ZFR: variants seen among roughly 807,000 people sequenced by gnomAD.
The protein encoded by ZFR is zinc finger RNA binding protein, also known as zinc finger RNA-binding protein.
A neutral mutation model predicts 130.7 loss-of-function variants in ZFR; 19 were observed. That is an observed-to-expected ratio of 0.15 (90% CI 0.10 to 0.21). The LOEUF (loss-of-function observed/expected upper bound fraction) is 0.21, where lower values mean the gene tolerates loss of function less well. ZFR is among the 10% of genes least tolerant of loss of function. The probability of loss-of-function intolerance (pLI) is 1.00; values close to 1 mark genes in which losing one functional copy is unlikely to be tolerated. For missense variants in ZFR, 872 were observed against 1,321.5 expected (o/e 0.66, Z 5.27); for synonymous variants, 466 against 456.9 (o/e 1.02, Z -0.25).
intron 10 of ZFR, among the ~76,000 whole-genome samples, chr5:32,395,570 T>C (rs575719559): frequency 5.9e-5 from 9 of 152,188 alleles, no homozygotes; most frequent in Non-Finnish European, 1.3e-4. Flanking sequence ...TTAATTTTAC[T>C]TTACATTTGA....
intron 2 of ZFR, among the ~76,000 whole-genome samples, chr5:32,427,953 C>T (rs1397219620): frequency 6.6e-6 from 1 of 152,026 alleles, no homozygotes; most frequent in Admixed American, 6.5e-5. Flanking sequence ...ACAAAATATA[C>T]AAAAATTAAC....
At chr5:32,390,179 T>C in intron 12 of ZFR, 96 bp downstream of exon 12, 1 of 1,432,186 alleles carries the variant, frequency 7.0e-7, no homozygotes, top group Admixed American at 2.2e-5. Context: ...GATTACAAGA[T>C]TATTAAGTCT....
chr5:32,418,357 T>A (rs1388266405), intron 3 of ZFR, among the ~76,000 whole-genome samples: 1 of 152,180 alleles, frequency 6.6e-6, no homozygotes, highest in Non-Finnish European at 1.5e-5. Flanking sequence ...AAATAATACT[T>A]AAGTAAAAAT....
At chr5:32,383,905 T>C (rs983618270) in intron 15 of ZFR, 16 of 422,352 alleles carry the variant, frequency 3.8e-5, no homozygotes, top group Non-Finnish European at 7.7e-5. Flanking sequence ...AAGCAAAATC[T>C]TTCCATTTTG....
At chr5:32,443,178 TCTAAC>T (rs1169505426) in intron 2 of ZFR, among the ~76,000 whole-genome samples, 2 of 152,068 alleles carry the variant, frequency 1.3e-5, no homozygotes, top group African/African-American at 4.8e-5. Flanking sequence ...TTAACCAACA[TCTAAC>T]ATACATAAAA....
chr5:32,433,981 A>AT (rs1217424625), intron 2 of ZFR, among the ~76,000 whole-genome samples: 1 of 152,166 alleles, frequency 6.6e-6, no homozygotes, highest in Non-Finnish European at 1.5e-5. Context: ...AGGAGGGAGG[A>AT]TCACCTGTGC....
At chr5:32,441,566 A>C (rs973799914) in intron 2 of ZFR, among the ~76,000 whole-genome samples, 1 of 151,984 alleles carries the variant, frequency 6.6e-6, no homozygotes, top group African/African-American at 2.4e-5. Context: ...TGTACTTAAG[A>C]TTTTCCTGAG....
chr5:32,422,907 AATT>A (rs959215643), intron 2 of ZFR, among the ~76,000 whole-genome samples: 2 of 151,912 alleles, frequency 1.3e-5, no homozygotes, highest in African/African-American at 4.8e-5. Context: ...GCACGTAAGC[AATT>A]ATTACAGAGT....
intron 2 of ZFR, among the ~76,000 whole-genome samples, chr5:32,430,547 A>G (rs1002933393): frequency 2.6e-5 from 4 of 152,298 alleles, no homozygotes; most frequent in African/African-American, 9.6e-5. Context: ...TAGAAAAAAA[A>G]TGTCAAGAGA....
At chr5:32,408,839 T>C (rs1001300784) in intron 5 of ZFR, among the ~76,000 whole-genome samples, 11 of 152,208 alleles carry the variant, frequency 7.2e-5, no homozygotes, top group Non-Finnish European at 5.9e-5. Context: ...TTGTCTATTA[T>C]CACACTTTCT....
At position 32,395,168 on chromosome 5, in the gene ZFR, A is replaced by G. The variant is rs1367417822; in HGVS notation, c.1970T>C (p.Met657Thr). The change falls in exon 11 of 20, where the codon ATG (methionine) becomes ACG (threonine). Residue 657 changes from methionine (M) to threonine (T), a missense_variant. Around this residue, in one of 7 missense-constraint regions of ZFR, gnomAD observed 225 missense variants for 282.4 expected, o/e 0.80. Transcript: ENST00000265069. The stretch of plus-strand genomic sequence containing the variant: ...AAGTTAAAGATATTACCTCATTTCC[A>G]TTCTCCAACGCTCCTCTTCTTCTCG... ...RRREEEERWR[M>T]EMRRYEEDMY... 6.3e-7 allele frequency: 1 copy of G among 1,594,036 alleles called. No homozygotes were observed. Among genetic ancestry groups the G allele is most frequent in the Non-Finnish European group, 8.5e-7 (1 of 1,172,262 alleles).
chr5:32,400,371 C>A (rs1753422062), intron 8 of ZFR, among the ~76,000 whole-genome samples, 168 bp from the exon 9 acceptor site: 2 of 152,064 alleles, frequency 1.3e-5, no homozygotes, highest in Non-Finnish European at 2.9e-5. Context: ...GGCTTTTTTA[C>A]CCTATTAGTG....
Position 32,420,112 on chromosome 5 carries a change from T to C in ZFR, c.138-9A>G. 6.5e-7 allele frequency: 1 copy of C among 1,549,676 alleles called. No homozygotes were observed. On this transcript the variant is annotated splice_polypyrimidine_tract_variant and intron_variant, in intron 2 of 19. Coordinates refer to ENST00000265069, the MANE Select transcript of ZFR (RefSeq NM_016107.5). ...CCGAAGCTGGCTGCTGGCTACATTGTGGAGTACAAGAATAAATATAATACA... is the reference window on the plus strand; with the variant it reads ...CCGAAGCTGGCTGCTGGCTACATTGCGGAGTACAAGAATAAATATAATACA...
intron 5 of ZFR, among the ~76,000 whole-genome samples, chr5:32,413,183 T>G (rs1004018692): frequency 7.6e-6 from 1 of 131,940 alleles, no homozygotes; most frequent in Non-Finnish European, 1.7e-5. Flanking sequence ...AGTGAGACTC[T>G]TTTAATCTCA....
chr5:32,359,095 G>C (rs183255731), intron 19 of ZFR, among the ~76,000 whole-genome samples: 1 of 151,878 alleles, frequency 6.6e-6, no homozygotes, highest in African/African-American at 2.4e-5. Context: ...GCTAAGGCAG[G>C]ATTGTGTGAG....
At chr5:32,424,149 A>T (rs1473801289) in intron 2 of ZFR, among the ~76,000 whole-genome samples, 2 of 152,232 alleles carry the variant, frequency 1.3e-5, no homozygotes, top group African/African-American at 4.8e-5. Flanking sequence ...GGGGAAGGAC[A>T]GAAGCCTCTC....
intron 19 of ZFR, among the ~76,000 whole-genome samples, chr5:32,357,501 G>A (rs1403515116): frequency 1.6e-4 from 24 of 152,118 alleles, no homozygotes; most frequent in African/African-American, 5.1e-4. Context: ...CCTGACCTCC[G>A]GAGATCTGCC....
intron 11 of ZFR, among the ~76,000 whole-genome samples, chr5:32,391,285 G>A (rs1004969149): frequency 2.0e-5 from 3 of 152,140 alleles, no homozygotes; most frequent in Non-Finnish European, 4.4e-5. Context: ...ACAGGGTTTG[G>A]TACAACCTGC....
At chr5:32,419,740 G>GC in intron 3 of ZFR, 81 bp downstream of exon 3, 2 of 1,486,262 alleles carry the variant, frequency 1.3e-6, no homozygotes, top group East Asian at 2.3e-5. Context: ...AGTTTGAGAA[G>GC]CAATGGCTAG....
Sources: allele counts gnomAD v4.1 joint callset (sites outside exome capture counted in the v4.1 genomes callset), GRCh38; gene constraint gnomAD v4.1.1; regional missense constraint gnomAD v4.1.1; transcripts MANE v1.5; gene names NCBI Gene and HGNC (gene_info 2026-07-23, HGNC 2026-07-21).